The following ELAVL2 variants were observed in gnomAD, a reference collection of about 807,000 sequenced individuals.
ELAVL2 encodes the protein ELAV like RNA binding protein 2.
A neutral mutation model predicts 34.6 loss-of-function variants in ELAVL2; 4 were observed. The ratio of observed to expected loss-of-function variants is 0.12; its 90% confidence interval spans 0.06 to 0.26. The LOEUF is 0.26. ELAVL2 is among the 10% of genes least tolerant of loss of function. ELAVL2 has a pLI of 1.00. For missense variants in ELAVL2, 432 were observed against 442.8 expected (o/e 0.98, Z 0.22); for synonymous variants, 193 against 154.8 (o/e 1.25, Z -1.83).
intron 3 of ELAVL2, 124 bp downstream of exon 3, chr9:23,730,898 C>G: frequency 1.2e-6 from 1 of 847,326 alleles, no homozygotes; most frequent in Non-Finnish European, 1.8e-6. Context: ...CACCAAAATT[C>G]CACTATGTCT....
At chr9:23,778,923 C>A (rs1171203305) in intron 1 of ELAVL2, among the ~76,000 whole-genome samples, 2 of 152,148 alleles carry the variant, frequency 1.3e-5, no homozygotes, top group Admixed American at 6.5e-5. Context: ...ATCCTGTCCA[C>A]AAAGAATTAG....
At chr9:23,756,742 T>C (rs1326997606) in intron 2 of ELAVL2, among the ~76,000 whole-genome samples, 2 of 152,098 alleles carry the variant, frequency 1.3e-5, no homozygotes, top group African/African-American at 4.8e-5. Context: ...AGTACTGCAA[T>C]TGTTAACACC....
chr9:23,731,640 G>C lies in ELAVL2; in HGVS notation c.230-515C>G, dbSNP rs181172572. Among the ~76,000 whole-genome samples the C allele has an allele frequency of 2.0e-5, 3 of 152,198 alleles. No individual in the cohort carries two copies. The East Asian group carries it at 5.8e-4, about 29-fold the overall frequency. On this transcript the variant is annotated intron_variant, in intron 2 of 6. Coordinates refer to ENST00000397312, the MANE Select transcript of ELAVL2 (RefSeq NM_004432.5). ...ATGGTGAAGAACCATGTGTGGGCGT[G>C]TATACATGTAAGTTTATTTTAGACG...
intron 2 of ELAVL2, among the ~76,000 whole-genome samples, chr9:23,750,112 T>C (rs1231548499): frequency 6.6e-6 from 1 of 152,046 alleles, no homozygotes; most frequent in African/African-American, 2.4e-5. Flanking sequence ...CTCCTTACTT[T>C]GATGGCTATA....
chr9:23,835,850 A>G, the ELAVL2 span, among the ~76,000 whole-genome samples: 4 of 152,188 alleles, frequency 2.6e-5, no homozygotes, highest in Non-Finnish European at 5.9e-5. Flanking sequence ...AGGTAACAAT[A>G]GAAAACAGAC....
chr9:23,714,478 G>T (rs1469007006), intron 3 of ELAVL2, among the ~76,000 whole-genome samples: 1 of 152,200 alleles, frequency 6.6e-6, no homozygotes, highest in Non-Finnish European at 1.5e-5. Flanking sequence ...ACATAAGGAA[G>T]GAGCTGTCTT....
rs565616332 is a variant in ELAVL2 at position 23,716,266 on chromosome 9, T to TA, written c.334-11196dup. ...CCAACATGGCACATGTATACATATATAACAAACCTGCACGTTGTGCACATG... is the reference window on the plus strand; with the variant it reads ...CCAACATGGCACATGTATACATATATAAACAAACCTGCACGTTGTGCACATG... On this transcript the variant is annotated intron_variant, in intron 3 of 6. Transcript: ENST00000397312. 7.6e-3 allele frequency among the ~76,000 whole-genome samples: 1,154 copies of TA among 152,166 alleles called. 22 individuals carry two copies. The highest frequency in any genetic ancestry group is 0.026 in the African/African-American group (1,095 of 41,510).
chr9:23,701,604 C>A lies in ELAVL2; in HGVS notation c.488G>T (p.Gly163Val). The change falls in exon 5 of 7, where the codon GGC (glycine) becomes GTC (valine). Residue 163 changes from glycine to valine, a missense_variant and splice_region_variant. Coordinates refer to ENST00000397312, the MANE Select transcript of ELAVL2 (RefSeq NM_004432.5). The stretch of plus-strand genomic sequence containing the variant: ...AATAAACCCTACACCCCTTGATATG[C>A]CTATGGTAGATTTGAGTAAAGATTT... ...TSRILVDQVT[G>V]ISRGVGFIRF... 1 of 1,612,714 alleles carries A rather than the reference C, an allele frequency of 6.2e-7. No homozygotes were observed. The highest frequency in any genetic ancestry group is 8.5e-7 in the Non-Finnish European group (1 of 1,179,058).
intron 1 of ELAVL2, among the ~76,000 whole-genome samples, chr9:23,804,958 T>C (rs184107261): frequency 3.3e-5 from 5 of 152,284 alleles, no homozygotes; most frequent in South Asian, 2.1e-4. Flanking sequence ...TTGTTATATA[T>C]AAGAAATGTA....
intron 1 of ELAVL2, among the ~76,000 whole-genome samples, chr9:23,771,188 A>T (rs2057242889): frequency 6.6e-6 from 1 of 152,202 alleles, no homozygotes; most frequent in Non-Finnish European, 1.5e-5. Flanking sequence ...GTTGGGGAGA[A>T]GTCATCAGAT....
intron 3 of ELAVL2, among the ~76,000 whole-genome samples, chr9:23,725,731 A>C: frequency 6.6e-6 from 1 of 152,244 alleles, no homozygotes; most frequent in South Asian, 2.1e-4. Flanking sequence ...CAAGAGTGAA[A>C]GAAGAAGGCA....
chr9:23,696,530 G>A (rs1265149536), intron 5 of ELAVL2, among the ~76,000 whole-genome samples: 2 of 152,146 alleles, frequency 1.3e-5, no homozygotes, highest in African/African-American at 2.4e-5. Flanking sequence ...GTGCAGTGGC[G>A]TGATCTCGGC....
At position 23,758,676 on chromosome 9, in the gene ELAVL2, T is replaced by G. The variant is rs76157341; in HGVS notation, c.229+3330A>C. ...AAAGCTTTTATAGCACCATGTTCAG[T>G]GTAATCTACTGTCAGGGAGAGATAC... is the stretch of plus-strand genomic sequence containing the variant. On this transcript the variant is annotated intron_variant, in intron 2 of 6. Coordinates refer to ENST00000397312, the MANE Select transcript of ELAVL2 (RefSeq NM_004432.5). Among the ~76,000 whole-genome samples, 556 of 152,232 alleles carry G rather than the reference T, an allele frequency of 3.7e-3. 4 individuals carry two copies. The highest frequency in any genetic ancestry group is 4.3e-3 in the Admixed American group (65 of 15,252).
chr9:23,843,512 T>C, the ELAVL2 span, among the ~76,000 whole-genome samples: 1 of 152,098 alleles, frequency 6.6e-6, no homozygotes, highest in Non-Finnish European at 1.5e-5. Flanking sequence ...AATTTCAGAT[T>C]AATAGTACTT....
At chr9:23,784,024 C>T (rs567013530) in intron 1 of ELAVL2, among the ~76,000 whole-genome samples, 42 of 152,020 alleles carry the variant, frequency 2.8e-4, no homozygotes, top group African/African-American at 1.0e-3. Flanking sequence ...GAAACCCCGT[C>T]TCTACTAAAA....
chr9:23,800,648 A>G (rs963183438), intron 1 of ELAVL2, among the ~76,000 whole-genome samples: 9 of 152,260 alleles, frequency 5.9e-5, no homozygotes, highest in Non-Finnish European at 1.2e-4. Context: ...TTTGGGGAGT[A>G]GAGAATCAGT....
At chr9:23,700,068 C>T (rs1166240431) in intron 5 of ELAVL2, among the ~76,000 whole-genome samples, 1 of 151,812 alleles carries the variant, frequency 6.6e-6, no homozygotes, top group Admixed American at 6.6e-5. Flanking sequence ...TTCAGCACTG[C>T]AAATATTCCA....
chr9:23,773,370 C>CCT (rs3838727), intron 1 of ELAVL2, among the ~76,000 whole-genome samples: 26,826 of 151,970 alleles, frequency 0.18, 2,912 homozygotes, highest in East Asian at 0.35. Context: ...AGATTGATGA[C>CCT]CTCACCATCT....
chr9:23,792,262 T>C (rs2060412338), intron 1 of ELAVL2, among the ~76,000 whole-genome samples: 1 of 152,234 alleles, frequency 6.6e-6, no homozygotes, highest in Non-Finnish European at 1.5e-5. Flanking sequence ...TTAAGTATGT[T>C]AAATGTATTT....
Sources: allele counts gnomAD v4.1 joint callset (sites outside exome capture counted in the v4.1 genomes callset), GRCh38; gene constraint gnomAD v4.1.1; transcripts MANE v1.5; gene names NCBI Gene and HGNC (gene_info 2026-07-23, HGNC 2026-07-21).